The following PRKG1 variants were observed in gnomAD, a reference collection of about 807,000 sequenced individuals.
PRKG1 encodes cGMP-dependent protein kinase 1.
PRKG1 carries 35 observed loss-of-function variants against 88.1 expected under a neutral mutation model. That is an observed-to-expected ratio of 0.40 (90% CI 0.30 to 0.53). PRKG1 has a LOEUF of 0.53. Ranked by LOEUF, PRKG1 falls within the 20% of genes least tolerant of loss-of-function variation. The probability of loss-of-function intolerance (pLI) is 0.59; values close to 1 mark genes in which losing one functional copy is unlikely to be tolerated. For synonymous variants in PRKG1, 303 were observed against 292.5 expected (o/e 1.04, Z -0.37); for missense variants, 540 against 839.8 (o/e 0.64, Z 4.41).
chr10:51,494,732 T>A (rs1301222928), intron 3 of PRKG1, among the ~76,000 whole-genome samples: 4 of 152,250 alleles, frequency 2.6e-5, no homozygotes, highest in African/African-American at 9.6e-5. Flanking sequence ...ATAGTTTCAG[T>A]AGACTTCAAA....
chr10:51,360,158 G>A (rs1775978197), intron 2 of PRKG1, among the ~76,000 whole-genome samples: 1 of 151,836 alleles, frequency 6.6e-6, no homozygotes, highest in African/African-American at 2.4e-5. Flanking sequence ...GAGCTGTAGG[G>A]GCACCAGCTA....
At chr10:51,963,308 A>C (rs1564730329) in intron 5 of PRKG1, among the ~76,000 whole-genome samples, 1 of 152,216 alleles carries the variant, frequency 6.6e-6, no homozygotes, top group Admixed American at 6.5e-5. Context: ...TAGTTATTTT[A>C]AGAAGACTGT....
At chr10:50,994,512 G>T (rs1235972519) in intron 1 of PRKG1, among the ~76,000 whole-genome samples, 1 of 144,038 alleles carries the variant, frequency 6.9e-6, no homozygotes, top group Non-Finnish European at 1.5e-5. Flanking sequence ...CCGCGTTCAC[G>T]CCATTCTCCT....
At chr10:52,118,862 C>G (rs1475179401) in intron 7 of PRKG1, among the ~76,000 whole-genome samples, 1 of 151,886 alleles carries the variant, frequency 6.6e-6, no homozygotes, top group African/African-American at 2.4e-5. Flanking sequence ...TGAGCATGTA[C>G]CAAAAAACTT....
At chr10:51,531,377 A>G (rs746542174) in intron 3 of PRKG1, among the ~76,000 whole-genome samples, 1 of 152,186 alleles carries the variant, frequency 6.6e-6, no homozygotes, top group Non-Finnish European at 1.5e-5. Flanking sequence ...AACACTGAAC[A>G]TAATAGGTAC....
chr10:51,900,065 C>G (rs1020158861), intron 4 of PRKG1, among the ~76,000 whole-genome samples: 2 of 152,144 alleles, frequency 1.3e-5, no homozygotes, highest in Non-Finnish European at 1.5e-5. Context: ...CATGCTTTTA[C>G]AGCCTGCAGA....
At chr10:51,164,457 G>A (rs999408621) in intron 2 of PRKG1, among the ~76,000 whole-genome samples, 2 of 152,182 alleles carry the variant, frequency 1.3e-5, no homozygotes, top group African/African-American at 4.8e-5. Context: ...AAAAAACAGA[G>A]CAGAAAAACT....
At chr10:51,152,713 G>A (rs1846104528) in intron 1 of PRKG1, among the ~76,000 whole-genome samples, 1 of 151,876 alleles carries the variant, frequency 6.6e-6, no homozygotes, top group African/African-American at 2.4e-5. Context: ...TTCTATAATT[G>A]TGTATAGTAC....
intron 17 of PRKG1, 25 bp downstream of exon 17, chr10:52,290,315 T>C (rs1385748864): frequency 6.4e-7 from 1 of 1,561,722 alleles, no homozygotes; most frequent in Non-Finnish European, 8.8e-7. Context: ...CAGCTTATAA[T>C]TGTGTGACAT....
chr10:51,215,778 C>A (rs768145259), intron 2 of PRKG1, among the ~76,000 whole-genome samples: 5 of 152,198 alleles, frequency 3.3e-5, no homozygotes, highest in Admixed American at 2.6e-4. Context: ...ATTCTGGATT[C>A]TGTCTATAGA....
chr10:51,049,156 G>C (rs1318335240), intron 1 of PRKG1, among the ~76,000 whole-genome samples: 3 of 152,184 alleles, frequency 2.0e-5, no homozygotes, highest in African/African-American at 4.8e-5. Flanking sequence ...AGTCATGGCT[G>C]CTCATTTTTA....
chr10:52,033,739 T>G (rs1845529151), intron 5 of PRKG1, among the ~76,000 whole-genome samples: 2 of 152,230 alleles, frequency 1.3e-5, no homozygotes, highest in African/African-American at 4.8e-5. Flanking sequence ...CTAAGTGGGT[T>G]TGCACAAGTG....
At chr10:51,045,130 G>A (rs1843470420) in intron 1 of PRKG1, among the ~76,000 whole-genome samples, 1 of 152,096 alleles carries the variant, frequency 6.6e-6, no homozygotes, top group Non-Finnish European at 1.5e-5. Context: ...ATTGCTTGGT[G>A]AAATAAATAG....
At chr10:51,639,231 G>A (rs900310962) in intron 3 of PRKG1, among the ~76,000 whole-genome samples, 3 of 151,760 alleles carry the variant, frequency 2.0e-5, no homozygotes, top group African/African-American at 4.8e-5. Context: ...TGAGGAGATC[G>A]AGACCATCCT....
At chr10:51,004,085 A>C (rs1201459459) in intron 1 of PRKG1, among the ~76,000 whole-genome samples, 1 of 152,204 alleles carries the variant, frequency 6.6e-6, no homozygotes, top group Non-Finnish European at 1.5e-5. Flanking sequence ...GGTCAAAAAA[A>C]CTATTAATAT....
intron 2 of PRKG1, among the ~76,000 whole-genome samples, chr10:51,276,791 C>T (rs778107527): frequency 4.8e-4 from 73 of 152,238 alleles, no homozygotes; most frequent in Admixed American, 1.2e-3. Context: ...TCATATCCTT[C>T]GCCCACTTTT....
intron 4 of PRKG1, among the ~76,000 whole-genome samples, chr10:51,859,171 T>C (rs1840801313): frequency 6.6e-6 from 1 of 152,190 alleles, no homozygotes; most frequent in Admixed American, 6.5e-5. Context: ...AAATTGGCGT[T>C]CAAATGTGTA....
At chr10:51,369,500 A>ATGAAGGTAAACAAAGGTTTACCTT (rs1257434747) in intron 2 of PRKG1, among the ~76,000 whole-genome samples, 22 of 152,072 alleles carry the variant, frequency 1.4e-4, no homozygotes, top group Admixed American at 1.1e-3. Flanking sequence ...CATCTCTTTC[A>ATGAAGGTAAACAAAGGTTTACCTT]TGTCTGGAAG....
chr10:51,363,433 C>A (rs1842526322), intron 2 of PRKG1, among the ~76,000 whole-genome samples: 1 of 151,522 alleles, frequency 6.6e-6, no homozygotes, highest in South Asian at 2.1e-4. Context: ...CATTTCTTTG[C>A]CGAACTAAAT....
Sources: gnomAD v4.1 joint callset for allele counts (sites outside exome capture counted in the v4.1 genomes callset) on GRCh38, gnomAD v4.1.1 for gene constraint, MANE v1.5 for transcripts, NCBI Gene and HGNC (gene_info 2026-07-23, HGNC 2026-07-21) for gene names.